Variants in OTOG observed in about 807,000 individuals in gnomAD.
The protein encoded by OTOG is otogelin.
A neutral mutation model predicts 313.8 loss-of-function variants in OTOG; 296 were observed. The observed-to-expected ratio is 0.94, with a 90% CI of 0.86 to 1.04. OTOG has a LOEUF of 1.04. OTOG is among the 50% of genes least tolerant of loss of function. The pLI is 0.00. For missense variants in OTOG, 3,948 were observed against 3,840.1 expected (o/e 1.03, Z -0.74); for synonymous variants, 1,533 against 1,554.9 (o/e 0.99, Z 0.33).
intron 23 of OTOG, among the ~76,000 whole-genome samples, chr11:17,585,281 T>C (rs1852765960): frequency 6.6e-6 from 1 of 152,246 alleles, no homozygotes; most frequent in South Asian, 2.1e-4. Context: ...AGTTGTCAAA[T>C]TTATTCACTT....
rs1407961688 is a variant in OTOG at position 17,610,508 on chromosome 11, G to T, written c.5208G>T (p.Ser1736=). Residue 1736 remains serine, a synonymous_variant, in exon 36 of 56, where the codon TCG becomes TCT. Transcript: ENST00000399397. ...GEAGHSQPMG[S]PASPQPHPLP... is the part of the protein sequence containing the mutation. ...CCGGGCACAGCCAGCCCATGGGCTC[G>T]CCTGCCTCCCCACAGCCACACCCAC... 1.3e-6 allele frequency: 2 copies of T among 1,550,326 alleles called. No homozygotes were observed. The highest frequency in any genetic ancestry group is 1.7e-6 in the Non-Finnish European group (2 of 1,146,912).
Position 17,632,194 on chromosome 11 carries a change from T to A in OTOG, c.7040T>A (p.Val2347Glu). The stretch of plus-strand genomic sequence containing the variant: ...GTGGCCATGTGCCACAAATTTCATG[T>A]GTGCATCGAGTGGCGGCGCTCTGAC... ...VYVAMCHKFHVCIEWRRSDYC... is the reference protein window; with the variant it reads ...VYVAMCHKFHECIEWRRSDYC... The change falls in exon 42 of 56, where the codon GTG becomes GAG. Residue 2347 changes from valine to glutamate, a missense_variant. Physicochemically the swap from Val to Glu is moderately radical, Grantham distance 121. Coordinates refer to ENST00000399397, the MANE Select transcript of OTOG (RefSeq NM_001292063.2). The A allele has an allele frequency of 6.4e-7, 1 of 1,551,062 alleles. No homozygotes were observed. The highest frequency in any genetic ancestry group is 8.7e-7 in the Non-Finnish European group (1 of 1,146,962).
At chr11:17,579,095 C>T (rs530184712) in intron 23 of OTOG, among the ~76,000 whole-genome samples, 17 of 152,304 alleles carry the variant, frequency 1.1e-4, no homozygotes, top group African/African-American at 3.6e-4. Flanking sequence ...CTCTGTACAC[C>T]GACGTGGCCC....
intron 24 of OTOG, among the ~76,000 whole-genome samples, chr11:17,587,450 G>T (rs1389140674): frequency 6.6e-6 from 1 of 152,186 alleles, no homozygotes; most frequent in East Asian, 1.9e-4. Context: ...GGTGGCCTGA[G>T]GTGAGCAGGA....
chr11:17,548,209 C>A lies in OTOG; in HGVS notation c.213C>A (p.Gly71=), dbSNP rs1014975516. The A allele has an allele frequency of 2.6e-6, 4 of 1,546,302 alleles. No homozygotes were observed. Among genetic ancestry groups the A allele is most frequent in the Non-Finnish European group, 3.5e-6 (4 of 1,144,584 alleles). The stretch of plus-strand genomic sequence containing the variant: ...GGGACAAGGCTACAGTCGTGGGAGG[C>A]CAGGTAAGGGAGGTCTTGGGAGGGG... ...AMGDKATVVG[G]QQAEAPDSVA... Residue 71 remains glycine (G), a synonymous_variant, in exon 3 of 56, where the codon GGC becomes GGA. Transcript: ENST00000399397.
At chr11:17,555,419 G>A (rs1852035934) in intron 6 of OTOG, among the ~76,000 whole-genome samples, 1 of 152,156 alleles carries the variant, frequency 6.6e-6, no homozygotes, top group African/African-American at 2.4e-5. Flanking sequence ...AGATGGTGGA[G>A]TATGTCTGTT....
At chr11:17,595,664 G>T (rs1853078591) in intron 28 of OTOG, among the ~76,000 whole-genome samples, 1 of 152,150 alleles carries the variant, frequency 6.6e-6, no homozygotes, top group African/African-American at 2.4e-5. Context: ...CATATTTTGG[G>T]CTGGCTTTTG....
Position 17,570,385 on chromosome 11 carries a change from C to A in OTOG, c.1950C>A (p.Asp650Glu), listed in dbSNP as rs1458147318. The A allele has an allele frequency of 1.3e-6, 2 of 1,550,330 alleles. No homozygotes were observed. Among genetic ancestry groups the A allele is most frequent in the African/African-American group, 2.7e-5 (2 of 73,042 alleles). ...CCTTCAATGGCAACACGCAGGATGA[C>A]TTCCTGTACGTAGCCCTGCCACGGA... ...CGTFNGNTQD[D>E]FLSPVGVPES... The change falls in exon 17 of 56, where the codon GAC (aspartate) becomes GAA (glutamate). Residue 650 changes from aspartate (D) to glutamate (E), a missense_variant. Asp to Glu is a conservative substitution (Grantham distance 45). Transcript: ENST00000399397.
chr11:17,571,401 G>A (rs1289018798), intron 17 of OTOG, among the ~76,000 whole-genome samples: 1 of 152,154 alleles, frequency 6.6e-6, no homozygotes, highest in Non-Finnish European at 1.5e-5. Context: ...CTGCCCCCCA[G>A]AGAGACCATG....
rs1468696598 is a variant in OTOG at position 17,593,757 on chromosome 11, G to A, written c.3288+1G>A. On this transcript the variant is annotated splice_donor_variant, in intron 27 of 55. Coordinates refer to ENST00000399397, the MANE Select transcript of OTOG (RefSeq NM_001292063.2). LOFTEE classifies it high-confidence loss of function. ...CGTCCAGGCTGGGCCTCAGTGGCAG[G>A]TACTTACATGAGCAGTGACATTCTG... is the stretch of plus-strand genomic sequence containing the variant. 4.5e-6 allele frequency: 7 copies of A among 1,547,818 alleles called. No homozygotes were observed. Among genetic ancestry groups the A allele is most frequent in the East Asian group, 2.4e-5 (1 of 40,908 alleles).
chr11:17,551,883 G>A, intron 3 of OTOG, 117 bp from the exon 4 acceptor site: 3 of 869,076 alleles, frequency 3.5e-6, no homozygotes, highest in Non-Finnish European at 5.5e-6. Context: ...GCACTGAGGG[G>A]CAGGGGCTCC....
rs139905501 is a variant in OTOG at position 17,608,185 on chromosome 11, C to A, written c.4157-111C>A. 267 of 691,360 alleles carry A rather than the reference C, an allele frequency of 3.9e-4. No individual in the cohort carries two copies. The African/African-American group carries it at 4.7e-3, about 12-fold the overall frequency. The allele number at this position is 691,360 out of a possible 1,614,324, so 42.8% of individuals were successfully genotyped here. The stretch of plus-strand genomic sequence containing the variant: ...GTGTGGTTTTTTCCCCATTTGCTTT[C>A]CCTGCATGGGTCCATTTGTCCCCTC... On this transcript the variant is annotated intron_variant, in intron 33 of 55. Coordinates refer to ENST00000399397, the MANE Select transcript of OTOG (RefSeq NM_001292063.2).
Position 17,609,795 on chromosome 11 carries a change from C to T in OTOG, c.4495C>T (p.Leu1499Phe). 1.3e-6 allele frequency: 2 copies of T among 1,547,402 alleles called. No homozygotes were observed. The highest frequency in any genetic ancestry group is 1.7e-6 in the Non-Finnish European group (2 of 1,145,350). The change falls in exon 36 of 56, where the codon CTC (leucine) becomes TTC (phenylalanine). Residue 1499 changes from leucine to phenylalanine, a missense_variant. By Grantham distance (22) the Leu-to-Phe change is conservative (BLOSUM62 0). Coordinates refer to ENST00000399397, the MANE Select transcript of OTOG (RefSeq NM_001292063.2). ...CAGGACCCCCACCCACAGGCCAGCC[C>T]TCACCCCAGCTGCCCCACTCACCAC... ...SPRTPTHRPA[L>F]TPAAPLTTAL...
chr11:17,597,038 C>G, intron 30 of OTOG, 31 bp downstream of exon 30: 1 of 1,547,062 alleles, frequency 6.5e-7, no homozygotes, highest in Non-Finnish European at 8.7e-7. Context: ...CCTGAGGGGA[C>G]AGAGTAGAGT....
intron 49 of OTOG, 28 bp downstream of exon 49, chr11:17,639,491 C>T: frequency 6.5e-7 from 1 of 1,548,526 alleles, no homozygotes. Flanking sequence ...CCCCAACACT[C>T]CCTGGTCTGC....
intron 39 of OTOG, among the ~76,000 whole-genome samples, chr11:17,614,900 G>T (rs926140771): frequency 6.6e-6 from 1 of 151,972 alleles, no homozygotes; most frequent in Non-Finnish European, 1.5e-5. Context: ...GTAGATTCCC[G>T]TGTTGAACAG....
intron 7 of OTOG, among the ~76,000 whole-genome samples, chr11:17,556,387 T>A (rs1057501853): frequency 8.5e-5 from 13 of 152,308 alleles, no homozygotes; most frequent in African/African-American, 3.1e-4. Flanking sequence ...CCCCAGACTG[T>A]GGTCCTTTGT....
chr11:17,629,071 G>C, intron 39 of OTOG, 62 bp from the exon 40 acceptor site: 1 of 1,432,466 alleles, frequency 7.0e-7, no homozygotes, highest in Non-Finnish European at 9.5e-7. Context: ...CGGACAGATG[G>C]ATGGATGGAT....
At chr11:17,592,483 T>G (rs1447963597) in intron 25 of OTOG, among the ~76,000 whole-genome samples, 1 of 152,190 alleles carries the variant, frequency 6.6e-6, no homozygotes, top group Non-Finnish European at 1.5e-5. Flanking sequence ...TGTTCCTATC[T>G]CCTGTTAAAT....
Sources: gnomAD v4.1 joint callset for allele counts (sites outside exome capture counted in the v4.1 genomes callset) on GRCh38, gnomAD v4.1.1 for gene constraint, MANE v1.5 for transcripts, NCBI Gene and HGNC (gene_info 2026-07-23, HGNC 2026-07-21) for gene names.